Variants in ATG4A observed in about 807,000 individuals in gnomAD.
ATG4A encodes the protein cysteine protease ATG4A.
A neutral mutation model predicts 38.4 loss-of-function variants in ATG4A; 22 were observed. That is an observed-to-expected ratio of 0.57 (90% CI 0.41 to 0.82). The LOEUF is 0.82. Among genes scored for constraint, ATG4A ranks in the 40% least tolerant of loss-of-function variants. The probability of loss-of-function intolerance (pLI) is 0.00; values close to 1 mark genes in which losing one functional copy is unlikely to be tolerated. For missense variants in ATG4A, 220 were observed against 290.0 expected (o/e 0.76, Z 1.75); for synonymous variants, 86 against 100.7 (o/e 0.85, Z 0.88).
chrX:108,138,029 C>T, intron 8 of ATG4A, 38 bp downstream of exon 8: 1 of 1,195,338 alleles, frequency 8.4e-7, no homozygotes, highest in Non-Finnish European at 1.1e-6. Flanking sequence ...TGCTGCCTGC[C>T]CATCACACCG....
chrX:108,092,128 G>T (rs2031651945), intron 1 of ATG4A, among the ~76,000 whole-genome samples: 1 of 111,005 alleles, frequency 9.0e-6, no homozygotes, highest in African/African-American at 3.3e-5. Flanking sequence ...CATCTCGGCG[G>T]TGTGGCATCA....
intron 1 of ATG4A, among the ~76,000 whole-genome samples, chrX:108,112,674 C>T (rs753644573): frequency 9.0e-6 from 1 of 111,415 alleles, no homozygotes; most frequent in East Asian, 2.8e-4. Flanking sequence ...GGATTACAGG[C>T]GTGAGCCACC....
At chrX:108,134,231 C>T in intron 5 of ATG4A, 73 bp downstream of exon 5, 1 of 1,127,976 alleles carries the variant, frequency 8.9e-7, no homozygotes, top group Non-Finnish European at 1.2e-6. Context: ...TTATATGTGG[C>T]TCCATTAAGT....
Position 108,110,703 on chromosome X carries a change from CTTTCTG to C in ATG4A, c.11-15367_11-15362del, listed in dbSNP as rs1476179360. On this transcript the variant is annotated intron_variant, in intron 1 of 12. Transcript: ENST00000372232. ...ATAAATGAGAACATGTGGTATTTAA[CTTTCTG>C]TTTCTGGATTATTTAGAATGCATTT... Among the ~76,000 whole-genome samples the C allele has an allele frequency of 2.7e-5, 3 of 111,724 alleles. No homozygotes were observed. In the Admixed American group the frequency reaches 2.8e-4, roughly 11 times the overall value.
intron 1 of ATG4A, among the ~76,000 whole-genome samples, chrX:108,106,242 T>C (rs929608054): frequency 5.4e-5 from 6 of 111,803 alleles, no homozygotes; most frequent in East Asian, 2.8e-4. Flanking sequence ...CTTGTTTCCT[T>C]TCTGTTATTG....
At chrX:108,098,897 A>G (rs772186405) in intron 1 of ATG4A, among the ~76,000 whole-genome samples, 1 of 111,547 alleles carries the variant, frequency 9.0e-6, no homozygotes, top group Non-Finnish European at 1.9e-5. Flanking sequence ...CTATTAAGGG[A>G]CATTTTTAAA....
chrX:108,101,097 C>G (rs1389066651), intron 1 of ATG4A, among the ~76,000 whole-genome samples: 1 of 110,628 alleles, frequency 9.0e-6, no homozygotes. Context: ...AGTTACCAAG[C>G]TATTCAAATT....
At chrX:108,134,492 C>G in intron 6 of ATG4A, 81 bp downstream of exon 6, 2 of 925,188 alleles carry the variant, frequency 2.2e-6, no homozygotes, top group Non-Finnish European at 3.0e-6. Flanking sequence ...TCCCATCAAC[C>G]GAGGTATTCT....
chrX:108,100,350 G>A (rs1166572161), intron 1 of ATG4A, among the ~76,000 whole-genome samples: 1 of 110,968 alleles, frequency 9.0e-6, no homozygotes, highest in Non-Finnish European at 1.9e-5. Flanking sequence ...GGGGTTAAAA[G>A]GTATTTTTCT....
chrX:108,151,799 A>G lies in ATG4A; in HGVS notation c.961-3A>G. ...AAGTTGTGTTCTTTTGCTTTCCCCCAAGGGATTTTTCTGCAAAGAAGAAAA... is the reference window on the plus strand; with the variant it reads ...AAGTTGTGTTCTTTTGCTTTCCCCCGAGGGATTTTTCTGCAAAGAAGAAAA... On this transcript the variant is annotated splice_polypyrimidine_tract_variant and splice_region_variant and intron_variant, in intron 10 of 12. Coordinates refer to ENST00000372232, the MANE Select transcript of ATG4A (RefSeq NM_052936.5). 5.0e-6 allele frequency: 6 copies of G among 1,207,494 alleles called. No homozygotes were observed. Among genetic ancestry groups the G allele is most frequent in the Non-Finnish European group, 6.7e-6 (6 of 892,270 alleles).
chrX:108,150,219 G>A lies in ATG4A; in HGVS notation c.882G>A (p.Thr294=), dbSNP rs34691372. 6,011 of 1,210,278 alleles carry A rather than the reference G, an allele frequency of 5.0e-3. 174 individuals carry two copies. The African/African-American group carries it at 0.092, about 19-fold the overall frequency. ...QTFVDTEENG[T]VNDQTFHCLQ... is the part of the protein sequence containing the mutation. ...TTGTTGACACTGAAGAGAATGGAAC[G>A]GTTAATGACCAGACTTTCCATTGCC... The change falls in exon 10 of 13, where the codon ACG becomes ACA. Residue 294 remains threonine (T), a synonymous_variant. Transcript: ENST00000372232.
At chrX:108,137,773 C>T in intron 7 of ATG4A, 31 bp from the exon 8 acceptor site, 7 of 1,127,311 alleles carry the variant, frequency 6.2e-6, no homozygotes, top group Non-Finnish European at 8.2e-6. Context: ...AGACTCCTTA[C>T]TTATCCAATA....
At chrX:108,150,538 G>A (rs2033560225) in intron 10 of ATG4A, among the ~76,000 whole-genome samples, 2 of 112,738 alleles carry the variant, frequency 1.8e-5, no homozygotes, top group South Asian at 7.3e-4. Context: ...AGACATACCT[G>A]AGGCTGGGTA....
intron 9 of ATG4A, among the ~76,000 whole-genome samples, chrX:108,141,094 A>ACG (rs1569311799): frequency 2.5e-5 from 2 of 79,531 alleles, no homozygotes; most frequent in Non-Finnish European, 4.7e-5. Context: ...ATATATATAT[A>ACG]TATATATATA....
At chrX:108,126,694 C>G in intron 2 of ATG4A, 1 of 904,325 alleles carries the variant, frequency 1.1e-6, no homozygotes, top group East Asian at 7.7e-5. Context: ...GACCGTAGCA[C>G]TGTCTCAGTT....
rs769434526 is a variant in ATG4A, at chrX:108,119,111, G to A, written c.11-6966G>A. Among the ~76,000 whole-genome samples the A allele has an allele frequency of 2.2e-4, 25 of 111,349 alleles. No homozygotes were observed. In the South Asian group the frequency reaches 7.3e-3, roughly 32 times the overall value. ...AACACATCTTCTCTTCCTAGGGCTC[G>A]GGGTATTCCTCCTAACACCCCATCC... On this transcript the variant is annotated intron_variant, in intron 1 of 12. Coordinates refer to ENST00000372232, the MANE Select transcript of ATG4A (RefSeq NM_052936.5).
chrX:108,131,413 T>A, intron 4 of ATG4A, 55 bp downstream of exon 4: 2 of 1,100,704 alleles, frequency 1.8e-6, no homozygotes, highest in East Asian at 6.0e-5. Flanking sequence ...TATCACTTGC[T>A]GCTGTTGATT....
chrX:108,144,613 A>G (rs765887812), intron 9 of ATG4A, among the ~76,000 whole-genome samples: 1 of 112,170 alleles, frequency 8.9e-6, no homozygotes, highest in Admixed American at 9.4e-5. Context: ...GCTGAGTGGT[A>G]TCCACAGAAT....
At chrX:108,091,950 G>C in intron 1 of ATG4A, 114 bp downstream of exon 1, 1 of 1,119,193 alleles carries the variant, frequency 8.9e-7, no homozygotes, top group Non-Finnish European at 1.2e-6. Flanking sequence ...AGAGTTATGA[G>C]AGCCTAAAGG....
Sources: allele counts gnomAD v4.1 joint callset (sites outside exome capture counted in the v4.1 genomes callset), GRCh38; gene constraint gnomAD v4.1.1; transcripts MANE v1.5; gene names NCBI Gene and HGNC (gene_info 2026-07-23, HGNC 2026-07-21).